OPCML: variants seen among roughly 807,000 people sequenced by gnomAD.
The protein encoded by OPCML is opioid-binding protein/cell adhesion molecule.
A neutral mutation model predicts 37.8 loss-of-function variants in OPCML; 13 were observed. That is an observed-to-expected ratio of 0.34 (90% confidence interval 0.22 to 0.55). The LOEUF (loss-of-function observed/expected upper bound fraction) is 0.55, where lower values mean the gene tolerates loss of function less well. OPCML is among the 20% of genes least tolerant of loss of function. OPCML has a pLI of 0.91. For missense variants in OPCML, 341 were observed against 435.6 expected (o/e 0.78, Z 1.93); for synonymous variants, 176 against 168.8 (o/e 1.04, Z -0.33).
chr11:132,550,343 G>A (rs1283600777), intron 3 of OPCML, among the ~76,000 whole-genome samples: 1 of 152,122 alleles, frequency 6.6e-6, no homozygotes, highest in Non-Finnish European at 1.5e-5. Context: ...GAATAGTTTA[G>A]CGCCATTCCC....
intron 4 of OPCML, among the ~76,000 whole-genome samples, chr11:132,500,101 G>A (rs911984444): frequency 6.6e-6 from 1 of 152,150 alleles, no homozygotes; most frequent in African/African-American, 2.4e-5. Context: ...GTCTAACAGT[G>A]TGAAAACTAC....
At chr11:132,954,470 TG>T (rs1945934187) in intron 1 of OPCML, among the ~76,000 whole-genome samples, 2 of 152,132 alleles carry the variant, frequency 1.3e-5, no homozygotes, top group African/African-American at 4.8e-5. Flanking sequence ...TTTTAAGGAC[TG>T]GGTATGACTG....
rs897519807 is a variant in OPCML, at chr11:133,515,897, G to A, written c.61+16367C>T. The stretch of plus-strand genomic sequence containing the variant: ...TTAAAGATTTCCCAGTCCTCACAGC[G>A]CCATGAGTGAGTCCTAGTTCAACTT... On this transcript the variant is annotated intron_variant, in intron 1 of 7. Coordinates refer to ENST00000524381, the MANE Select transcript of OPCML (RefSeq NM_001012393.5). Among the ~76,000 whole-genome samples the A allele has an allele frequency of 2.8e-4, 43 of 151,430 alleles. 1 individual carries two copies. Among genetic ancestry groups the A allele is most frequent in the Non-Finnish European group, 7.4e-5 (5 of 67,934 alleles).
In OPCML at chr11:132,992,182, AG is replaced by A. The variant is rs1946793978; in HGVS notation, c.62-49173del. On this transcript the variant is annotated intron_variant, in intron 1 of 7. Coordinates refer to ENST00000524381, the MANE Select transcript of OPCML (RefSeq NM_001012393.5). ...ATAACTCAACTCAGAAAGCCCTCCAAGGCTTGGCTTCAAGTCTCTTCCAAAC... is the reference window on the plus strand; with the variant it reads ...ATAACTCAACTCAGAAAGCCCTCCAAGCTTGGCTTCAAGTCTCTTCCAAAC... Among the ~76,000 whole-genome samples the A allele has an allele frequency of 2.0e-5, 3 of 152,092 alleles. No individual in the cohort carries two copies. In the South Asian group the frequency reaches 6.2e-4, roughly 32 times the overall value.
intron 1 of OPCML, among the ~76,000 whole-genome samples, chr11:132,965,993 C>A (rs1260926919): frequency 2.0e-5 from 3 of 152,008 alleles, no homozygotes; most frequent in Non-Finnish European, 4.4e-5. Flanking sequence ...TTCAAAGAAT[C>A]AATTTGTAGT....
At chr11:132,956,825 T>C (rs1945985790) in intron 1 of OPCML, among the ~76,000 whole-genome samples, 1 of 152,092 alleles carries the variant, frequency 6.6e-6, no homozygotes, top group Non-Finnish European at 1.5e-5. Flanking sequence ...TTTACAAAGA[T>C]AGAGTCAGGG....
intron 3 of OPCML, among the ~76,000 whole-genome samples, chr11:132,590,971 C>T (rs1159195245): frequency 6.6e-6 from 1 of 152,160 alleles, no homozygotes; most frequent in African/African-American, 2.4e-5. Context: ...CTAGAAGAAC[C>T]AGTATCTTCC....
In OPCML at chr11:132,892,506, C is replaced by G. The variant is rs535569608; in HGVS notation, c.146+50420G>C. Among the ~76,000 whole-genome samples, 3 of 152,296 alleles carry G rather than the reference C, an allele frequency of 2.0e-5. No individual in the cohort carries two copies. In the East Asian group the frequency reaches 5.8e-4, roughly 29 times the overall value. Reference sequence around the variant, plus strand: ...ATTCTTGGCCGGGCATGGTGGCTCACGCCTGTAATCCTAGCATTTTGGGAG... The same window carrying G: ...ATTCTTGGCCGGGCATGGTGGCTCAGGCCTGTAATCCTAGCATTTTGGGAG... On this transcript the variant is annotated intron_variant, in intron 2 of 7. Coordinates refer to ENST00000524381, the MANE Select transcript of OPCML (RefSeq NM_001012393.5).
intron 2 of OPCML, among the ~76,000 whole-genome samples, chr11:132,855,549 G>A (rs934599219): frequency 7.9e-5 from 12 of 152,124 alleles, no homozygotes; most frequent in African/African-American, 1.7e-4. Flanking sequence ...CATTTCTCCC[G>A]GGTTAATATA....
chr11:133,322,959 A>G (rs1313056848), intron 1 of OPCML, among the ~76,000 whole-genome samples: 3 of 152,254 alleles, frequency 2.0e-5, no homozygotes, highest in African/African-American at 7.2e-5. Flanking sequence ...AAGACCTGGT[A>G]TATACAAAAT....
chr11:133,270,589 G>T (rs1208507521), intron 1 of OPCML, among the ~76,000 whole-genome samples: 1 of 152,094 alleles, frequency 6.6e-6, no homozygotes, highest in African/African-American at 2.4e-5. Context: ...CATTCCCATA[G>T]CAATTTCTTG....
chr11:132,786,716 A>G (rs1947223930), intron 2 of OPCML, among the ~76,000 whole-genome samples: 1 of 152,194 alleles, frequency 6.6e-6, no homozygotes, highest in Non-Finnish European at 1.5e-5. Flanking sequence ...AAATCTAGTC[A>G]CCAGATCTGT....
At chr11:133,144,598 T>G (rs970491536) in intron 1 of OPCML, among the ~76,000 whole-genome samples, 1 of 152,226 alleles carries the variant, frequency 6.6e-6, no homozygotes, top group Non-Finnish European at 1.5e-5. Context: ...CAGCACACAG[T>G]CAAAGCTTCG....
intron 2 of OPCML, among the ~76,000 whole-genome samples, chr11:132,664,769 C>A (rs550524183): frequency 1.3e-5 from 2 of 152,154 alleles, no homozygotes; most frequent in South Asian, 4.1e-4. Flanking sequence ...TCAACAGGGA[C>A]CCTAAATTAT....
At chr11:132,642,882 TAGGAATTA>T (rs1940934207) in intron 3 of OPCML, among the ~76,000 whole-genome samples, 1 of 152,162 alleles carries the variant, frequency 6.6e-6, no homozygotes, top group South Asian at 2.1e-4. Context: ...TTTCCATATA[TAGGAATTA>T]AGGCTTTAGC....
intron 1 of OPCML, among the ~76,000 whole-genome samples, chr11:133,218,333 C>T (rs1939674538): frequency 6.6e-6 from 1 of 151,964 alleles, no homozygotes; most frequent in South Asian, 2.1e-4. Context: ...ACAGTTTGTG[C>T]TGAAATACAA....
intron 3 of OPCML, among the ~76,000 whole-genome samples, chr11:132,545,848 T>G (rs2096367466): frequency 6.6e-6 from 1 of 152,228 alleles, no homozygotes; most frequent in South Asian, 2.1e-4. Flanking sequence ...GTGAGTTGAT[T>G]TCAATATTCA....
chr11:132,988,726 G>T (rs888309165), intron 1 of OPCML, among the ~76,000 whole-genome samples: 2 of 152,122 alleles, frequency 1.3e-5, no homozygotes, highest in African/African-American at 4.8e-5. Context: ...AGGAATAGTG[G>T]GTTTGTTTGA....
At chr11:133,314,702 A>G (rs1016065745) in intron 1 of OPCML, among the ~76,000 whole-genome samples, 6 of 152,152 alleles carry the variant, frequency 3.9e-5, no homozygotes, top group African/African-American at 7.2e-5. Flanking sequence ...CCTCGACTCA[A>G]TGGTCTCCCC....
Sources: gnomAD v4.1 joint callset for allele counts (sites outside exome capture counted in the v4.1 genomes callset) on GRCh38, gnomAD v4.1.1 for gene constraint, MANE v1.5 for transcripts, NCBI Gene and HGNC (gene_info 2026-07-23, HGNC 2026-07-21) for gene names.